Variants in NPSR1 observed in about 807,000 individuals in gnomAD.
The protein encoded by NPSR1 is neuropeptide S receptor 1.
In NPSR1, 48 loss-of-function variants were observed where a neutral mutation model predicts 46.9. That is an observed-to-expected ratio of 1.02 (90% CI 0.81 to 1.30). NPSR1 has a LOEUF of 1.30. Among genes scored for constraint, NPSR1 ranks in the 50% most tolerant of loss-of-function variants. NPSR1 has a pLI of 0.00. For missense variants in NPSR1, 450 were observed against 449.5 expected (o/e 1.00, Z -0.01); for synonymous variants, 176 against 168.1 (o/e 1.05, Z -0.36).
intron 2 of NPSR1, among the ~76,000 whole-genome samples, chr7:34,738,709 T>C (rs563991144): frequency 7.2e-5 from 11 of 152,342 alleles, no homozygotes; most frequent in Admixed American, 6.5e-4. Flanking sequence ...TTATATACCA[T>C]TATTCTTTTT....
chr7:34,698,719 G>A (rs915327054), intron 2 of NPSR1, among the ~76,000 whole-genome samples: 4 of 152,194 alleles, frequency 2.6e-5, no homozygotes, highest in Non-Finnish European at 5.9e-5. Context: ...TGTGAGAAGT[G>A]AGGCCAAGAA....
chr7:34,754,951 G>A (rs1055477898), intron 2 of NPSR1, among the ~76,000 whole-genome samples: 4 of 148,790 alleles, frequency 2.7e-5, no homozygotes, highest in East Asian at 4.0e-4. Flanking sequence ...GTTGTAGCAC[G>A]TATCCATATT....
At position 34,849,902 on chromosome 7, in the gene NPSR1, C is replaced by G; in HGVS notation, c.*247C>G. On this transcript the variant is annotated 3_prime_UTR_variant, in exon 9 of 9. Transcript: ENST00000360581. Reference sequence around the variant, plus strand: ...TTCCCCACCATTCCCAGCCCTCCTTCCCACTGGCCAGCACCTGAACCCAGT... The same window carrying G: ...TTCCCCACCATTCCCAGCCCTCCTTGCCACTGGCCAGCACCTGAACCCAGT... The G allele has an allele frequency of 7.8e-7, 1 of 1,275,860 alleles. No homozygotes were observed. Among genetic ancestry groups the G allele is most frequent in the Non-Finnish European group, 1.0e-6 (1 of 1,002,662 alleles). 79.0% of individuals were successfully genotyped at this position (1,275,860 alleles called of 1,614,324 possible).
chr7:34,755,419 G>A (rs1785779510), intron 2 of NPSR1, among the ~76,000 whole-genome samples: 1 of 152,176 alleles, frequency 6.6e-6, no homozygotes, highest in Non-Finnish European at 1.5e-5. Flanking sequence ...CAGTATGTGT[G>A]CTTTTGTTTC....
chr7:34,666,289 G>A (rs1045004313), intron 1 of NPSR1, among the ~76,000 whole-genome samples: 2 of 152,190 alleles, frequency 1.3e-5, no homozygotes, highest in African/African-American at 4.8e-5. Context: ...ACAGGTTTCT[G>A]TAACCCAGGA....
chr7:34,742,558 C>T (rs951294908), intron 2 of NPSR1, among the ~76,000 whole-genome samples: 5 of 152,310 alleles, frequency 3.3e-5, no homozygotes, highest in Admixed American at 1.3e-4. Context: ...TTGCTTCATC[C>T]AATCTGTCAT....
intron 3 of NPSR1, among the ~76,000 whole-genome samples, chr7:34,782,347 G>A (rs1416584075): frequency 2.0e-5 from 3 of 152,126 alleles, no homozygotes; most frequent in African/African-American, 7.2e-5. Flanking sequence ...AGTACCAAGA[G>A]AAATCTTCTC....
At chr7:34,665,833 T>C (rs1791721645) in intron 1 of NPSR1, among the ~76,000 whole-genome samples, 1 of 151,788 alleles carries the variant, frequency 6.6e-6, no homozygotes, top group Admixed American at 6.6e-5. Flanking sequence ...CATGAGCACA[T>C]ACACATGGAC....
At chr7:34,684,781 G>A (rs1033817365) in intron 2 of NPSR1, 97 bp downstream of exon 2, 10 of 962,888 alleles carry the variant, frequency 1.0e-5, no homozygotes, top group African/African-American at 1.7e-5. Context: ...AAAATGTAAC[G>A]CATCGGTCAA....
At chr7:34,748,730 G>A (rs1425684650) in intron 2 of NPSR1, among the ~76,000 whole-genome samples, 2 of 152,118 alleles carry the variant, frequency 1.3e-5, no homozygotes, top group East Asian at 3.9e-4. Flanking sequence ...GAGGTGCTGG[G>A]GGAGCAGGTG....
At chr7:34,690,001 A>C (rs921125251) in intron 2 of NPSR1, among the ~76,000 whole-genome samples, 14 of 152,046 alleles carry the variant, frequency 9.2e-5, no homozygotes, top group African/African-American at 3.4e-4. Context: ...ACATAACTGC[A>C]CAGCACTGGA....
At chr7:34,763,734 G>A (rs1257979877) in intron 2 of NPSR1, among the ~76,000 whole-genome samples, 1 of 152,150 alleles carries the variant, frequency 6.6e-6, no homozygotes, top group Non-Finnish European at 1.5e-5. Context: ...GCATGGCAGA[G>A]TGAACAGTTG....
chr7:34,768,726 A>T (rs191041180), intron 2 of NPSR1, among the ~76,000 whole-genome samples: 3 of 152,226 alleles, frequency 2.0e-5, no homozygotes, highest in Admixed American at 1.3e-4. Context: ...TGGAATTACC[A>T]TTTAGATTAG....
intron 2 of NPSR1, chr7:34,751,052 G>A (rs1785496032): frequency 3.9e-6 from 3 of 776,346 alleles, no homozygotes; most frequent in Admixed American, 3.4e-5. Context: ...TGAGCAGCAT[G>A]GCCATCTCAC....
chr7:34,809,556 C>T (rs1010503649), intron 3 of NPSR1, among the ~76,000 whole-genome samples: 4 of 150,974 alleles, frequency 2.6e-5, no homozygotes, highest in South Asian at 2.1e-4. Context: ...CTCTGCCTCC[C>T]GGGTTCACGC....
intron 2 of NPSR1, among the ~76,000 whole-genome samples, chr7:34,759,172 A>G (rs1218955479): frequency 6.6e-6 from 1 of 152,182 alleles, no homozygotes; most frequent in Non-Finnish European, 1.5e-5. Flanking sequence ...TTTGCAACTG[A>G]CAAGTATTTT....
chr7:34,859,364 A>C (rs1047966979), intron 8 of NPSR1, among the ~76,000 whole-genome samples: 2 of 151,600 alleles, frequency 1.3e-5, no homozygotes, highest in African/African-American at 2.4e-5. Flanking sequence ...GTATTCATCC[A>C]AAGAGTCTCC....
At chr7:34,703,352 C>A (rs1793941257) in intron 2 of NPSR1, among the ~76,000 whole-genome samples, 1 of 151,992 alleles carries the variant, frequency 6.6e-6, no homozygotes, top group African/African-American at 2.4e-5. Flanking sequence ...GCCTGGGTGA[C>A]AGAGCAAGAC....
At chr7:34,858,979 C>G (rs1791121260) in intron 8 of NPSR1, among the ~76,000 whole-genome samples, 1 of 151,468 alleles carries the variant, frequency 6.6e-6, no homozygotes, top group Non-Finnish European at 1.5e-5. Flanking sequence ...AGGAGATGTA[C>G]AGAGAGAGGC....
Sources: gnomAD v4.1 joint callset for allele counts (sites outside exome capture counted in the v4.1 genomes callset) on GRCh38, gnomAD v4.1.1 for gene constraint, MANE v1.5 for transcripts, NCBI Gene and HGNC (gene_info 2026-07-23, HGNC 2026-07-21) for gene names.